Variants in IRS1 observed in about 807,000 individuals in gnomAD.
The protein encoded by IRS1 is insulin receptor substrate 1.
A neutral mutation model predicts 65.6 loss-of-function variants in IRS1; 34 were observed. That is an observed-to-expected ratio of 0.52 (90% confidence interval 0.39 to 0.69). The LOEUF (loss-of-function observed/expected upper bound fraction) is 0.69. Ranked by LOEUF, IRS1 falls within the 30% of genes least tolerant of loss-of-function variation. The probability of loss-of-function intolerance (pLI) is 0.00; values close to 1 mark genes in which losing one functional copy is unlikely to be tolerated. For missense variants in IRS1, 1,641 were observed against 1,720.2 expected (o/e 0.95, Z 0.81); for synonymous variants, 699 against 683.5 (o/e 1.02, Z -0.35).
At chr2:226,771,009 A>C (rs1468324445) in intron 1 of IRS1, among the ~76,000 whole-genome samples, 1 of 152,110 alleles carries the variant, frequency 6.6e-6, no homozygotes, top group African/African-American at 2.4e-5. Flanking sequence ...TCAGAGTGAG[A>C]CCCTCTCTCT....
Position 226,797,370 on chromosome 2 carries a change from G to T in IRS1, c.1369C>A (p.Arg457Ser). 1 of 1,613,074 alleles carries T rather than the reference G, an allele frequency of 6.2e-7. No individual in the cohort carries two copies. Among genetic ancestry groups the T allele is most frequent in the Non-Finnish European group, 8.5e-7 (1 of 1,179,750 alleles). ...TAGTTGCTTAGCTCCTCCTCACCGC[G>T]GGCTGGTGGGGTGTGGCCCAGGGAA... ...PDSLGHTPPARGEEELSNYIC... is the reference protein window; with the variant it reads ...PDSLGHTPPASGEEELSNYIC... Residue 457 changes from arginine (R) to serine (S), a missense_variant, in exon 1 of 2, where the codon CGC (arginine) becomes AGC (serine). Arg to Ser is a moderately radical substitution (Grantham distance 110). This residue lies in a region of IRS1 where 1,324 missense variants were observed against 1,361.0 expected (regional missense o/e 0.97). Transcript: ENST00000305123. This position sits in a 1 kb window ranked among gnomAD's most constrained non-coding sequence, Gnocchi z 8.1.
Position 226,798,641 on chromosome 2 carries a change from CGCAGTACGAAGAA to C in IRS1, c.85_97del (p.Phe29AlafsTer117). 1 of 1,613,036 alleles carries C rather than the reference CGCAGTACGAAGAA, an allele frequency of 6.2e-7. No individual in the cohort carries two copies. The highest frequency in any genetic ancestry group is 8.5e-7 in the Non-Finnish European group (1 of 1,179,562). On this transcript the variant is annotated frameshift_variant, in exon 1 of 2. Coordinates refer to ENST00000305123, the MANE Select transcript of IRS1 (RefSeq NM_005544.3). LOFTEE classifies it high-confidence loss of function. The surrounding 1 kb of genome is among the most constrained non-coding windows in gnomAD (Gnocchi z 9.4). ...CGGGCCCCCAGCCTCGCTGGCCGCG[CGCAGTACGAAGAA>C]GCGTTTGTGCATGCTCTTGGGTTTG...
intron 1 of IRS1, among the ~76,000 whole-genome samples, chr2:226,745,419 T>C (rs1293386387): frequency 1.3e-5 from 2 of 152,240 alleles, no homozygotes; most frequent in African/African-American, 4.8e-5. Context: ...AACTATTACA[T>C]GGCTGTCATG....
At position 226,796,564 on chromosome 2, in the gene IRS1, G is replaced by A. The variant is rs139352593; in HGVS notation, c.2175C>T (p.Leu725=). Residue 725 remains leucine (L), a synonymous_variant, in exon 1 of 2, where the codon CTC becomes CTT. Transcript: ENST00000305123. Reference sequence around the variant, plus strand: ...TCATGTAGTCACCTGTGCAAGGTAAGAGCTTACCACCGCTGCTCTCCACTG... The same window carrying A: ...TCATGTAGTCACCTGTGCAAGGTAAAAGCTTACCACCGCTGCTCTCCACTG... The part of the protein sequence containing the change: ...KPPVESSGGK[L]LPCTGDYMNM... 21 of 1,614,042 alleles carry A rather than the reference G, an allele frequency of 1.3e-5. No individual in the cohort carries two copies. The African/African-American group carries it at 2.7e-4, about 20-fold the overall frequency.
Position 226,796,147 on chromosome 2 carries a change from C to G in IRS1, c.2592G>C (p.Gly864=). The change falls in exon 1 of 2, where the codon GGG becomes GGC. Residue 864 remains glycine, a synonymous_variant. Transcript: ENST00000305123. ...RLARPTRLSL[G]DPKASTLPRA... ...GAGGTAAGGTGCTGGCCTTGGGATC[C>G]CCCAGGGACAGCCTCGTGGGCCGGG... is the stretch of plus-strand genomic sequence containing the variant. The G allele has an allele frequency of 1.9e-6, 3 of 1,613,700 alleles. No homozygotes were observed. Among genetic ancestry groups the G allele is most frequent in the Non-Finnish European group, 2.5e-6 (3 of 1,180,034 alleles).
At chr2:226,770,796 T>C (rs2106171625) in intron 1 of IRS1, among the ~76,000 whole-genome samples, 1 of 152,356 alleles carries the variant, frequency 6.6e-6, no homozygotes, top group East Asian at 1.9e-4. Flanking sequence ...TGTATCATCT[T>C]AACCAAGTTA....
chr2:226,783,625 C>A (rs974744124), intron 1 of IRS1, among the ~76,000 whole-genome samples: 3 of 152,168 alleles, frequency 2.0e-5, no homozygotes, highest in African/African-American at 4.8e-5. Context: ...TAGAAGTGTT[C>A]ACTATAAACA....
At chr2:226,748,361 G>A (rs1938598839) in intron 1 of IRS1, among the ~76,000 whole-genome samples, 1 of 150,534 alleles carries the variant, frequency 6.6e-6, no homozygotes, top group Non-Finnish European at 1.5e-5. Context: ...CCCAGGAGGT[G>A]GAGGTTGCAG....
Position 226,794,276 on chromosome 2 carries a change from T to A in IRS1, c.*21+713A>T, listed in dbSNP as rs1271186576. On this transcript the variant is annotated intron_variant, in intron 1 of 1. Coordinates refer to ENST00000305123, the MANE Select transcript of IRS1 (RefSeq NM_005544.3). The surrounding 1 kb of genome is among the most constrained non-coding windows in gnomAD (Gnocchi z 4.1). ...TCCTGTACAAGAGAGGCCAGGCCCG[T>A]GGGATGGTGGGTCGGTGTGTGAATA... is the stretch of plus-strand genomic sequence containing the variant. 2.6e-5 allele frequency among the ~76,000 whole-genome samples: 4 copies of A among 152,076 alleles called. No homozygotes were observed. The highest frequency in any genetic ancestry group is 9.7e-5 in the African/African-American group (4 of 41,412).
intron 1 of IRS1, among the ~76,000 whole-genome samples, chr2:226,747,850 A>G (rs1419238064): frequency 6.6e-6 from 1 of 152,016 alleles, no homozygotes; most frequent in Non-Finnish European, 1.5e-5. Context: ...GTCTGCAGGT[A>G]TTTCTGCTTG....
intron 1 of IRS1, among the ~76,000 whole-genome samples, chr2:226,763,829 A>G (rs763309188): frequency 1.3e-5 from 2 of 152,166 alleles, no homozygotes; most frequent in Non-Finnish European, 2.9e-5. Context: ...CTTTTGAATC[A>G]AATTTCTTTT....
chr2:226,742,190 G>C (rs1446454302), intron 1 of IRS1, among the ~76,000 whole-genome samples: 1 of 152,224 alleles, frequency 6.6e-6, no homozygotes, highest in African/African-American at 2.4e-5. Flanking sequence ...TGGGAAGTAT[G>C]GGGGCAAGCT....
intron 1 of IRS1, among the ~76,000 whole-genome samples, chr2:226,738,812 C>A (rs575346215): frequency 6.6e-6 from 1 of 152,316 alleles, no homozygotes; most frequent in South Asian, 2.1e-4. Context: ...GAAGGCCACA[C>A]TTTATTAAAG....
chr2:226,773,789 G>A (rs1170437308), intron 1 of IRS1, among the ~76,000 whole-genome samples: 2 of 152,086 alleles, frequency 1.3e-5, no homozygotes, highest in East Asian at 1.9e-4. Flanking sequence ...CCAGGAAGGC[G>A]AAGAAGGGGT....
At position 226,796,677 on chromosome 2, in the gene IRS1, C is replaced by CGTT; in HGVS notation, c.2059_2061dup (p.Asn687dup). The CGTT allele has an allele frequency of 6.2e-7, 1 of 1,613,210 alleles. No individual in the cohort carries two copies. Among genetic ancestry groups the CGTT allele is most frequent in the Non-Finnish European group, 8.5e-7 (1 of 1,179,622 alleles). ...CCATAGCTGGTCCCGGAAGGGACGG[C>CGTT]GTTGCTGCTGCTGCTGCTGCTGCTG... is the stretch of plus-strand genomic sequence containing the variant. On this transcript the variant is annotated inframe_insertion, in exon 1 of 2. Coordinates refer to ENST00000305123, the MANE Select transcript of IRS1 (RefSeq NM_005544.3).
Position 226,796,377 on chromosome 2 carries a change from G to A in IRS1, c.2362C>T (p.His788Tyr), listed in dbSNP as rs769492524. The A allele has an allele frequency of 6.8e-6, 11 of 1,613,296 alleles. No homozygotes were observed. The highest frequency in any genetic ancestry group is 8.5e-6 in the Non-Finnish European group (10 of 1,180,030). Residue 788 changes from histidine (H) to tyrosine (Y), a missense_variant, in exon 1 of 2, where the codon CAC becomes TAC. By Grantham distance (83) the His-to-Tyr change is moderately conservative. Transcript: ENST00000305123. Reference protein sequence around the residue: ...GEPEEGARHQHLRLSTSSGRL... With the variant: ...GEPEEGARHQYLRLSTSSGRL... ...CCAGAGCTAGTGGAAAGGCGGAGGT[G>A]CTGATGCCGGGCACCCTCCTCCGGC... is the stretch of plus-strand genomic sequence containing the variant.
chr2:226,776,712 G>T (rs937567382), intron 1 of IRS1, among the ~76,000 whole-genome samples: 1 of 152,154 alleles, frequency 6.6e-6, no homozygotes, highest in African/African-American at 2.4e-5. Flanking sequence ...TTCATGGCCA[G>T]TCTGGCCAAC....
At chr2:226,782,289 C>T (rs559469001) in intron 1 of IRS1, among the ~76,000 whole-genome samples, 2 of 152,250 alleles carry the variant, frequency 1.3e-5, no homozygotes, top group South Asian at 2.1e-4. Context: ...GGAACATTTA[C>T]GGTATTTGAG....
chr2:226,766,163 A>ATATAT lies in IRS1; in HGVS notation c.*21+28825_*21+28826insATATA, dbSNP rs58592685. Reference sequence around the variant, plus strand: ...TATATATATATATATATATATATATATTTTTTTTTTTTTTTTTTGAGACAG... The same window carrying ATATAT: ...TATATATATATATATATATATATATATATATTTTTTTTTTTTTTTTTTTGAGACAG... On this transcript the variant is annotated intron_variant, in intron 1 of 1. Transcript: ENST00000305123. Among the ~76,000 whole-genome samples the ATATAT allele has an allele frequency of 3.5e-3, 16 of 4,590 alleles. 2 individuals carry two copies. Among genetic ancestry groups the ATATAT allele is most frequent in the Admixed American group, 6.6e-3 (1 of 152 alleles). 3.0% of individuals were successfully genotyped at this position (4,590 alleles called of 152,430 possible). A position where few individuals can be genotyped will look rare whatever the true frequency, so the allele number is the denominator to read the frequency against.
Sources: allele counts gnomAD v4.1 joint callset (sites outside exome capture counted in the v4.1 genomes callset), GRCh38; gene constraint gnomAD v4.1.1; regional missense constraint gnomAD v4.1.1; non-coding constraint Gnocchi (gnomAD v3.1); transcripts MANE v1.5; gene names NCBI Gene and HGNC (gene_info 2026-07-23, HGNC 2026-07-21).